The following DPH6 variants were observed in gnomAD, a reference collection of about 807,000 sequenced individuals.
DPH6 encodes diphthamine biosynthesis 6.
In DPH6, 33 loss-of-function variants were observed where a neutral mutation model predicts 38.2. The ratio of observed to expected loss-of-function variants is 0.86; its 90% CI spans 0.65 to 1.15. The LOEUF (loss-of-function observed/expected upper bound fraction) is 1.15. Ranked by LOEUF, DPH6 falls within the 50% of genes most tolerant of loss-of-function variation. The pLI, the probability that DPH6 is intolerant of heterozygous loss-of-function variation, is 0.00. For missense variants in DPH6, 325 were observed against 320.0 expected, an observed-to-expected ratio of 1.02 and a Z score of -0.12; for synonymous variants, 108 against 103.0, an observed-to-expected ratio of 1.05 and a Z score of -0.30.
chr15:35,408,467 G>A (rs2053323938), intron 6 of DPH6, among the ~76,000 whole-genome samples: 1 of 151,968 alleles, frequency 6.6e-6, no homozygotes. Flanking sequence ...GATTGAATTT[G>A]TGGTATCTGT....
Position 35,455,521 on chromosome 15 carries a change from C to T in DPH6, c.313-701G>A, listed in dbSNP as rs796469265. On this transcript the variant is annotated intron_variant, in intron 3 of 8. Transcript: ENST00000256538. ...GATCAAGTTTGCAGAGGATACAAAG[C>T]TAGAATGGATTAAAAAGAAAACAAA... is the stretch of plus-strand genomic sequence containing the variant. 3.1e-4 allele frequency among the ~76,000 whole-genome samples: 47 copies of T among 152,034 alleles called. 1 individual carries two copies. The highest frequency in any genetic ancestry group is 1.0e-3 in the African/African-American group (43 of 41,494).
chr15:35,467,726 TAAC>T (rs981375849), intron 3 of DPH6, among the ~76,000 whole-genome samples: 38 of 152,028 alleles, frequency 2.5e-4, no homozygotes, highest in African/African-American at 8.0e-4. Flanking sequence ...GTCATTCCTA[TAAC>T]AACAAGGCCT....
At chr15:35,434,375 AAC>A (rs543527129) in intron 5 of DPH6, among the ~76,000 whole-genome samples, 65 of 152,364 alleles carry the variant, frequency 4.3e-4, no homozygotes, top group Non-Finnish European at 7.1e-4. Flanking sequence ...CTGCCAAAAC[AAC>A]AGAGGGCACT....
At chr15:35,266,816 T>C (rs1357132160) in intron 3 of DPH6, among the ~76,000 whole-genome samples, 1 of 152,250 alleles carries the variant, frequency 6.6e-6, no homozygotes, top group Non-Finnish European at 1.5e-5. Flanking sequence ...ATAGGTACTA[T>C]GCTAGGAGCT....
At chr15:35,545,345 A>T (rs1020764826) in intron 1 of DPH6, among the ~76,000 whole-genome samples, 25 of 152,366 alleles carry the variant, frequency 1.6e-4, no homozygotes, top group South Asian at 6.2e-4. Context: ...CACAGGACTT[A>T]TTTAGACACT....
chr15:35,312,012 A>G (rs79216903), intron 3 of DPH6, among the ~76,000 whole-genome samples: 203 of 1,710 alleles, frequency 0.12, no homozygotes, highest in Non-Finnish European at 0.25. Context: ...AAGAAAATGA[A>G]AAAAAAAAAA....
the DPH6 span, among the ~76,000 whole-genome samples, chr15:35,159,314 C>T: frequency 6.6e-6 from 1 of 152,038 alleles, no homozygotes; most frequent in South Asian, 2.1e-4. Context: ...TCCTTCTTGA[C>T]CATTCACTTC....
chr15:35,313,141 G>A (rs1214062487), intron 3 of DPH6, among the ~76,000 whole-genome samples: 2 of 152,098 alleles, frequency 1.3e-5, no homozygotes, highest in African/African-American at 2.4e-5. Flanking sequence ...GCTGAGGCAG[G>A]AGAATGGCTT....
Position 35,542,350 on chromosome 15 carries a change from A to G in DPH6, c.118+63T>C, listed in dbSNP as rs1158594834. The G allele has an allele frequency of 2.2e-6, 3 of 1,364,292 alleles. No homozygotes were observed. In the African/African-American group the frequency reaches 4.2e-5, roughly 19 times the overall value. The allele number at this position is 1,364,292 out of a possible 1,614,324, so 84.5% of individuals were successfully genotyped here. On this transcript the variant is annotated intron_variant, in intron 2 of 8. Coordinates refer to ENST00000256538, the MANE Select transcript of DPH6 (RefSeq NM_080650.4). The stretch of plus-strand genomic sequence containing the variant: ...CATCTTTGTACGGTATACCTGTACA[A>G]TGTAATTATGAAGTTGGAATTTCAT...
At chr15:35,515,051 CTG>C (rs1303691542) in intron 3 of DPH6, among the ~76,000 whole-genome samples, 1 of 151,772 alleles carries the variant, frequency 6.6e-6, no homozygotes, top group African/African-American at 2.4e-5. Flanking sequence ...AAGACAGACA[CTG>C]TGCTTTAATC....
the DPH6 span, among the ~76,000 whole-genome samples, chr15:35,152,507 T>C: frequency 3.9e-5 from 6 of 152,230 alleles, no homozygotes; most frequent in Admixed American, 1.3e-4. Context: ...TTTTTGTTTT[T>C]TATTTTTTTG....
intron 3 of DPH6, among the ~76,000 whole-genome samples, chr15:35,504,613 G>T (rs891666459): frequency 6.6e-6 from 1 of 151,938 alleles, no homozygotes; most frequent in Non-Finnish European, 1.5e-5. Flanking sequence ...CCCAGAACAG[G>T]GCACTGACTC....
intron 3 of DPH6, among the ~76,000 whole-genome samples, chr15:35,525,120 A>G (rs1156689013): frequency 6.6e-6 from 1 of 152,188 alleles, no homozygotes; most frequent in Non-Finnish European, 1.5e-5. Context: ...ATATATTACA[A>G]ATGCAAATAA....
chr15:35,254,056 A>T (rs1023675390), intron 3 of DPH6, among the ~76,000 whole-genome samples: 2 of 151,568 alleles, frequency 1.3e-5, no homozygotes, highest in African/African-American at 4.9e-5. Context: ...GTCTAGAAAA[A>T]CCTCCCTAAG....
intron 3 of DPH6, 40 bp downstream of exon 3, chr15:35,538,234 C>A (rs906562476): frequency 4.4e-6 from 6 of 1,369,460 alleles, no homozygotes; most frequent in Non-Finnish European, 5.8e-6. Flanking sequence ...TGTTAAATTA[C>A]ACACTAAATC....
At chr15:35,269,785 T>A (rs1432034392) in intron 3 of DPH6, among the ~76,000 whole-genome samples, 1 of 146,226 alleles carries the variant, frequency 6.8e-6, no homozygotes, top group Middle Eastern at 3.3e-3. Flanking sequence ...GTTAAGGGTG[T>A]GTTTCTTTTT....
At chr15:35,545,537 AAC>A (rs2055333795) in intron 1 of DPH6, among the ~76,000 whole-genome samples, 1 of 152,210 alleles carries the variant, frequency 6.6e-6, no homozygotes, top group South Asian at 2.1e-4. Context: ...CAAAGGCAGA[AAC>A]ACACACATGC....
At chr15:35,196,519 G>C in the DPH6 span, among the ~76,000 whole-genome samples, 2 of 152,124 alleles carry the variant, frequency 1.3e-5, no homozygotes, top group African/African-American at 2.4e-5. Context: ...GATGACAAAG[G>C]CTTGAGCGTA....
intron 6 of DPH6, among the ~76,000 whole-genome samples, chr15:35,386,309 T>C (rs1477016937): frequency 2.0e-5 from 3 of 152,236 alleles, no homozygotes; most frequent in East Asian, 3.8e-4. Context: ...AATAAACATA[T>C]GTGTGCATGT....
Sources: allele counts gnomAD v4.1 joint callset (sites outside exome capture counted in the v4.1 genomes callset), GRCh38; gene constraint gnomAD v4.1.1; transcripts MANE v1.5; gene names NCBI Gene and HGNC (gene_info 2026-07-23, HGNC 2026-07-21).